Variants in GTPBP2 observed in about 807,000 individuals in gnomAD.
GTPBP2 encodes GTP binding protein 2, also known as GTP-binding protein 2.
Under a neutral mutation model 63.0 loss-of-function variants are expected in GTPBP2, and 32 were observed. That is an observed-to-expected ratio of 0.51 (90% CI 0.38 to 0.68). GTPBP2 has a LOEUF of 0.68. Among genes scored for constraint, GTPBP2 ranks in the 30% least tolerant of loss-of-function variants. The pLI, the probability that GTPBP2 is intolerant of heterozygous loss-of-function variation, is 0.00. For synonymous variants in GTPBP2, 310 were observed against 322.6 expected, an observed-to-expected ratio of 0.96 and a Z score of 0.42; for missense variants, 492 against 796.9, an observed-to-expected ratio of 0.62 and a Z score of 4.61.
rs1768709611 is a variant in GTPBP2, at chr6:43,621,454, T to C, written c.*160A>G. On this transcript the variant is annotated 3_prime_UTR_variant, in exon 12 of 12. Transcript: ENST00000307126. ...ACTGCCCTTTCCTGGCCACACCAAG[T>C]TTGGCACCTCTCCAGAAAGTTGGCA... 6.5e-7 allele frequency: 1 copy of C among 1,548,298 alleles called. No homozygotes were observed. The highest frequency in any genetic ancestry group is 1.4e-5 in the African/African-American group (1 of 73,026).
intron 9 of GTPBP2, 136 bp downstream of exon 9, chr6:43,623,601 T>C: frequency 2.8e-6 from 2 of 706,320 alleles, no homozygotes; most frequent in Non-Finnish European, 5.1e-6. Context: ...CTTCTGATAG[T>C]GAAAGCCTAA....
upstream of GTPBP2, chr6:43,629,471 C>A (rs1769755128): frequency 7.0e-6 from 4 of 568,510 alleles, no homozygotes; most frequent in Admixed American, 3.4e-5. Flanking sequence ...CGCGCCTTGG[C>A]GCGCAAAGGC....
In GTPBP2 at chr6:43,621,047, C is replaced by A; in HGVS notation, c.*567G>T. On this transcript the variant is annotated 3_prime_UTR_variant, in exon 12 of 12. Transcript: ENST00000307126. ...AGGGAGATAAAGCTGAGGAAGAGGCCTCAGGCCTCAGCACAGGGTGGCAAC... is the reference window on the plus strand; with the variant it reads ...AGGGAGATAAAGCTGAGGAAGAGGCATCAGGCCTCAGCACAGGGTGGCAAC... The A allele has an allele frequency of 4.5e-6, 1 of 221,562 alleles. No homozygotes were observed. Among genetic ancestry groups the A allele is most frequent in the Non-Finnish European group, 9.2e-6 (1 of 108,228 alleles). The allele number at this position is 221,562 out of a possible 1,614,324, so 13.7% of individuals were successfully genotyped here.
At position 43,621,078 on chromosome 6, in the gene GTPBP2, C is replaced by A; in HGVS notation, c.*536G>T. The A allele has an allele frequency of 3.5e-6, 1 of 289,516 alleles. No homozygotes were observed. Among genetic ancestry groups the A allele is most frequent in the Non-Finnish European group, 6.9e-6 (1 of 144,836 alleles). The allele number at this position is 289,516 out of a possible 1,614,324, so 17.9% of individuals were successfully genotyped here. ...CCTCAGCACAGGGTGGCAACACTAC[C>A]ATTCACTGTCCCTGTGCCATTTCTT... On this transcript the variant is annotated 3_prime_UTR_variant, in exon 12 of 12. Coordinates refer to ENST00000307126, the MANE Select transcript of GTPBP2 (RefSeq NM_019096.5).
At chr6:43,629,794 G>A, upstream of GTPBP2, 1 of 1,561,766 alleles carries the variant, frequency 6.4e-7, no homozygotes, top group Non-Finnish European at 8.7e-7. Flanking sequence ...ACGCCAGGGC[G>A]GAGGCGGATG....
chr6:43,626,383 G>C lies in GTPBP2; in HGVS notation c.241C>G (p.Arg81Gly). The C allele has an allele frequency of 6.2e-7, 1 of 1,614,154 alleles. No homozygotes were observed. Among genetic ancestry groups the C allele is most frequent in the South Asian group, 1.1e-5 (1 of 91,084 alleles). The part of the protein sequence containing the change: ...KLKLVNPSQY[R>G]FEHLVTQMKW... The stretch of plus-strand genomic sequence containing the variant: ...ATTTGTGTCACCAGGTGCTCAAAGC[G>C]GTACTGGGATGGATTCACCAGCTTC... Residue 81 changes from arginine to glycine, a missense_variant, in exon 3 of 12, where the codon CGC becomes GGC. By Grantham distance (125) the Arg-to-Gly change is moderately radical (BLOSUM62 -2). Transcript: ENST00000307126. This position sits in a 1 kb window ranked among gnomAD's most constrained non-coding sequence, Gnocchi z 4.0.
At chr6:43,629,679 G>C, upstream of GTPBP2, 1 of 1,508,442 alleles carries the variant, frequency 6.6e-7, no homozygotes, top group South Asian at 1.2e-5. Context: ...TTTGGACCTC[G>C]AGAGCTGCAG....
chr6:43,624,741 G>A lies in GTPBP2; in HGVS notation c.881-12C>T, dbSNP rs759038774. On this transcript the variant is annotated splice_polypyrimidine_tract_variant and intron_variant, in intron 6 of 11. Transcript: ENST00000307126. This position sits in a 1 kb window ranked among gnomAD's most constrained non-coding sequence, Gnocchi z 5.1. ...CCTTGTGGTGCCAGCTGCCTCATAA[G>A]GACAGCAAGCAGCAGGAGAGAAGAG... is the stretch of plus-strand genomic sequence containing the variant. The A allele has an allele frequency of 6.2e-5, 100 of 1,611,104 alleles. No homozygotes were observed. The highest frequency in any genetic ancestry group is 8.2e-5 in the Non-Finnish European group (96 of 1,177,870).
chr6:43,621,812 T>TC, intron 11 of GTPBP2, 22 bp from the exon 12 acceptor site: 1 of 1,614,032 alleles, frequency 6.2e-7, no homozygotes, highest in Non-Finnish European at 8.5e-7. Context: ...AAGTGGTCAC[T>TC]CCCCTGGCCA....
intron 9 of GTPBP2, 26 bp downstream of exon 9, chr6:43,623,711 G>T (rs772792352): frequency 1.3e-6 from 2 of 1,567,140 alleles, no homozygotes; most frequent in African/African-American, 1.4e-5. Flanking sequence ...GGCTGAGTGG[G>T]GAGGGTAGCA....
rs1268277415 is a variant in GTPBP2, at chr6:43,629,026, C to A, written c.137G>T (p.Gly46Val). Residue 46 changes from glycine to valine, a missense_variant, in exon 1 of 12, where the codon GGA (glycine) becomes GTA (valine). Physicochemically the swap from Gly to Val is moderately radical, Grantham distance 109. Around this residue, in one of 2 missense-constraint regions of GTPBP2, gnomAD observed 92 missense variants for 86.1 expected, o/e 1.07. Coordinates refer to ENST00000307126, the MANE Select transcript of GTPBP2 (RefSeq NM_019096.5). ...CGGPKGKKKN[G>V]RNRGGKANNP... ...GTTGGCTTTGCCCCCTCTGTTCCTT[C>A]CGTTCTTCTTCTTTCCCTTTGGCCC... 6.2e-7 allele frequency: 1 copy of A among 1,613,664 alleles called. No individual in the cohort carries two copies. The highest frequency in any genetic ancestry group is 1.7e-5 in the Admixed American group (1 of 59,978).
chr6:43,629,513 C>T (rs1250367153), upstream of GTPBP2: 2 of 611,622 alleles, frequency 3.3e-6, no homozygotes, highest in Non-Finnish European at 2.9e-6. Context: ...TTCCAGTCCT[C>T]GCGCTATGTT....
Position 43,622,058 on chromosome 6 carries a change from G to A in GTPBP2, c.1577C>T (p.Thr526Ile), listed in dbSNP as rs1452360671. The change falls in exon 11 of 12, where the codon ACA becomes ATA. Residue 526 changes from threonine (T) to isoleucine (I), a missense_variant. This residue lies in a region of GTPBP2 where 400 missense variants were observed against 710.8 expected (regional missense o/e 0.56). Transcript: ENST00000307126. This position sits in a 1 kb window ranked among gnomAD's most constrained non-coding sequence, Gnocchi z 5.4. The part of the protein sequence containing the change: ...ATTFRRGFQV[T>I]VHVGNVRQTA... ...CTGACGTACGTTGCCCACGTGTACTGTCACCTGGAATCCTCGTCGGAAGGT... is the reference window on the plus strand; with the variant it reads ...CTGACGTACGTTGCCCACGTGTACTATCACCTGGAATCCTCGTCGGAAGGT... 1.2e-6 allele frequency: 2 copies of A among 1,614,026 alleles called. No individual in the cohort carries two copies. Among genetic ancestry groups the A allele is most frequent in the East Asian group, 2.2e-5 (1 of 44,902 alleles).
rs1769287729 is a variant in GTPBP2, at chr6:43,625,932, C to G, written c.399-68G>C. 3 of 1,236,180 alleles carry G rather than the reference C, an allele frequency of 2.4e-6. No individual in the cohort carries two copies. Among genetic ancestry groups the G allele is most frequent in the Non-Finnish European group, 3.6e-6 (3 of 838,036 alleles). 76.6% of individuals were successfully genotyped at this position (1,236,180 alleles called of 1,614,324 possible). A position where few individuals can be genotyped will look rare whatever the true frequency, so the allele number is the denominator to read the frequency against. Reference sequence around the variant, plus strand: ...CTCCTATTCCAGGCTCGCTCTGGACCTACAGACTTCCTGCACCTCCCACAG... The same window carrying G: ...CTCCTATTCCAGGCTCGCTCTGGACGTACAGACTTCCTGCACCTCCCACAG... On this transcript the variant is annotated intron_variant, in intron 3 of 11. Transcript: ENST00000307126. The surrounding 1 kb of genome is among the most constrained non-coding windows in gnomAD (Gnocchi z 5.1).
Position 43,624,099 on chromosome 6 carries a change from A to C in GTPBP2, c.1101-31T>G, listed in dbSNP as rs1391758636. 7 of 1,582,714 alleles carry C rather than the reference A, an allele frequency of 4.4e-6. No homozygotes were observed. The African/African-American group carries it at 9.4e-5, about 21-fold the overall frequency. On this transcript the variant is annotated intron_variant, in intron 7 of 11. Coordinates refer to ENST00000307126, the MANE Select transcript of GTPBP2 (RefSeq NM_019096.5). The surrounding 1 kb of genome is among the most constrained non-coding windows in gnomAD (Gnocchi z 5.1). ...GAGGGAGGCATGGAATGGACAGATG[A>C]AGACAGTCCAAACAGGAGGCAGAGG...
Position 43,625,945 on chromosome 6 carries a change from G to A in GTPBP2, c.399-81C>T, listed in dbSNP as rs1769290088. Reference sequence around the variant, plus strand: ...CTCGCTCTGGACCTACAGACTTCCTGCACCTCCCACAGAGCTCCCAATACC... The same window carrying A: ...CTCGCTCTGGACCTACAGACTTCCTACACCTCCCACAGAGCTCCCAATACC... On this transcript the variant is annotated intron_variant, in intron 3 of 11. Coordinates refer to ENST00000307126, the MANE Select transcript of GTPBP2 (RefSeq NM_019096.5). This position sits in a 1 kb window ranked among gnomAD's most constrained non-coding sequence, Gnocchi z 5.1. 1 of 1,086,380 alleles carries A rather than the reference G, an allele frequency of 9.2e-7. No individual in the cohort carries two copies. The highest frequency in any genetic ancestry group is 1.4e-6 in the Non-Finnish European group (1 of 704,294). The allele number at this position is 1,086,380 out of a possible 1,614,324, so 67.3% of individuals were successfully genotyped here. A position where few individuals can be genotyped will look rare whatever the true frequency, so the allele number is the denominator to read the frequency against.
chr6:43,627,059 G>A (rs1003318743), intron 1 of GTPBP2, 111 bp from the exon 2 acceptor site: 21 of 997,974 alleles, frequency 2.1e-5, no homozygotes, highest in Non-Finnish European at 2.7e-5. Context: ...AAGCCCCACT[G>A]GCACTTGGTT....
chr6:43,625,318 C>T lies in GTPBP2; in HGVS notation c.705+45G>A. ...CCTATGTCCTTCACTACTACCATCC[C>T]ATCCTCAGAGTCTGGCCCCATTGGG... On this transcript the variant is annotated intron_variant, in intron 5 of 11. Transcript: ENST00000307126. This position sits in a 1 kb window ranked among gnomAD's most constrained non-coding sequence, Gnocchi z 5.1. The T allele has an allele frequency of 6.4e-7, 1 of 1,551,888 alleles. No individual in the cohort carries two copies. The highest frequency in any genetic ancestry group is 8.9e-7 in the Non-Finnish European group (1 of 1,123,266).
upstream of GTPBP2, among the ~76,000 whole-genome samples, chr6:43,630,956 C>T (rs1769893649): frequency 1.3e-5 from 2 of 149,184 alleles, no homozygotes; most frequent in South Asian, 4.3e-4. Context: ...TTAAGCAACT[C>T]TTCTCTCCAG....
Sources: allele counts gnomAD v4.1 joint callset (sites outside exome capture counted in the v4.1 genomes callset), GRCh38; gene constraint gnomAD v4.1.1; regional missense constraint gnomAD v4.1.1; non-coding constraint Gnocchi (gnomAD v3.1); transcripts MANE v1.5; gene names NCBI Gene and HGNC (gene_info 2026-07-23, HGNC 2026-07-21).